The following ZNF418 variants were observed in gnomAD, a reference collection of about 807,000 sequenced individuals.
ZNF418 encodes the protein zinc finger protein 418.
Under a neutral mutation model 32.0 loss-of-function variants are expected in ZNF418, and 32 were observed. The observed-to-expected ratio is 1.00, with a 90% CI of 0.75 to 1.34. The LOEUF (loss-of-function observed/expected upper bound fraction) is 1.34, where lower values mean the gene tolerates loss of function less well. ZNF418 is among the 40% of genes most tolerant of loss of function. The pLI is 0.00. For missense variants in ZNF418, 804 were observed against 812.5 expected, an observed-to-expected ratio of 0.99 and a Z score of 0.13; for synonymous variants, 276 against 270.7, an observed-to-expected ratio of 1.02 and a Z score of -0.19.
At position 57,926,651 on chromosome 19, in the gene ZNF418, A is replaced by C. The variant is rs758780950; in HGVS notation, c.1530T>G (p.Phe510Leu). ...HQRVHTGEKP[F>L]ECSECGKSFP... ...ATGACTTCCCACATTCACTACACTC[A>C]AACGGTTTTTCTCCAGTGTGAACTC... The change falls in exon 4 of 6, where the codon TTT becomes TTG. Residue 510 changes from phenylalanine to leucine, a missense_variant. Physicochemically the swap from Phe to Leu is conservative, Grantham distance 22 (BLOSUM62 0). This residue lies in a region of ZNF418 where 475 missense variants were observed against 458.6 expected (regional missense o/e 1.04). Coordinates refer to ENST00000396147, the MANE Select transcript of ZNF418 (RefSeq NM_133460.3). 3.5e-5 allele frequency: 56 copies of C among 1,613,986 alleles called. No individual in the cohort carries two copies. In the Middle Eastern group the frequency reaches 4.9e-4, roughly 14 times the overall value.
In ZNF418 at chr19:57,935,170, G is replaced by C; in HGVS notation, c.-90C>G. ...GGGAAGGCACAATTACCTGAGCCGG[G>C]AGCCTCAGCGCGGCCGCCGCCATCC... On this transcript the variant is annotated 5_prime_UTR_variant, in exon 1 of 6. Coordinates refer to ENST00000396147, the MANE Select transcript of ZNF418 (RefSeq NM_133460.3). The C allele has an allele frequency of 7.6e-7, 1 of 1,310,872 alleles. No individual in the cohort carries two copies. 81.2% of individuals were successfully genotyped at this position (1,310,872 alleles called of 1,614,324 possible).
chr19:57,927,697 T>C lies in ZNF418; in HGVS notation c.484A>G (p.Ile162Val), dbSNP rs1240930560. 2 of 1,614,232 alleles carry C rather than the reference T, an allele frequency of 1.2e-6. No homozygotes were observed. The highest frequency in any genetic ancestry group is 1.6e-4 in the Middle Eastern group (1 of 6,062). The stretch of plus-strand genomic sequence containing the variant: ...GGCAAAAAGTCCTTTCCACTCTGAA[T>C]GAAGATAGATGACTCCTCTGACACA... ...FHVSEESSIF[I>V]QSGKDFLPSS... is the part of the protein sequence containing the mutation. Residue 162 changes from isoleucine (I) to valine (V), a missense_variant, in exon 4 of 6, where the codon ATT (isoleucine) becomes GTT (valine). Transcript: ENST00000396147.
At chr19:57,932,544 C>T (rs1172035052) in intron 2 of ZNF418, 3 of 1,535,154 alleles carry the variant, frequency 2.0e-6, no homozygotes, top group Admixed American at 3.9e-5. Context: ...ATCCATGGCC[C>T]TATTCCACTT....
Position 57,927,706 on chromosome 19 carries a change from A to G in ZNF418, c.475T>C (p.Ser159Pro). 1 of 1,614,204 alleles carries G rather than the reference A, an allele frequency of 6.2e-7. No individual in the cohort carries two copies. Among genetic ancestry groups the G allele is most frequent in the Non-Finnish European group, 8.5e-7 (1 of 1,180,032 alleles). The change falls in exon 4 of 6, where the codon TCT (serine) becomes CCT (proline). Residue 159 changes from serine to proline, a missense_variant. Physicochemically the swap from Ser to Pro is moderately conservative, Grantham distance 74 (BLOSUM62 -1). This residue lies in a region of ZNF418 where 307 missense variants were observed against 304.9 expected (regional missense o/e 1.01). Transcript: ENST00000396147. ...TCCTTTCCACTCTGAATGAAGATAG[A>G]TGACTCCTCTGACACATGGAACTTA... The part of the protein sequence containing the change: ...RCKFHVSEES[S>P]IFIQSGKDFL...
chr19:57,927,905 T>C lies in ZNF418; in HGVS notation c.276A>G (p.Gly92=). The part of the protein sequence containing the change: ...HSCEMCGAIL[G]DILHLADHQG... ...GATGATCTGCCAAGTGCAAAATGTC[T>C]CCCAAGATCGCGCCACACATTTCAC... Residue 92 remains glycine (G), a synonymous_variant, in exon 4 of 6, where the codon GGA becomes GGG. Coordinates refer to ENST00000396147, the MANE Select transcript of ZNF418 (RefSeq NM_133460.3). 6.2e-7 allele frequency: 1 copy of C among 1,614,028 alleles called. No individual in the cohort carries two copies. Among genetic ancestry groups the C allele is most frequent in the South Asian group, 1.1e-5 (1 of 91,078 alleles).
chr19:57,927,359 A>G lies in ZNF418; in HGVS notation c.822T>C (p.Val274=), dbSNP rs200312391. 6.8e-6 allele frequency: 11 copies of G among 1,613,934 alleles called. No homozygotes were observed. Among genetic ancestry groups the G allele is most frequent in the Non-Finnish European group, 8.5e-6 (10 of 1,179,998 alleles). ...GKSFSHKGSL[V]QHQRVHTGKR... ...TCCCAGTGTGAACTCGCTGATGCTG[A>G]ACAAGGCTGCCCTTATGACTAAAAG... The change falls in exon 4 of 6, where the codon GTT becomes GTC. Residue 274 remains valine, a synonymous_variant. Coordinates refer to ENST00000396147, the MANE Select transcript of ZNF418 (RefSeq NM_133460.3).
intron 1 of ZNF418, 172 bp downstream of exon 1, chr19:57,934,989 T>C: frequency 2.8e-6 from 4 of 1,427,722 alleles, no homozygotes; most frequent in South Asian, 1.3e-5. Flanking sequence ...CCTGTGCCTG[T>C]CGCTCTCCCC....
chr19:57,930,630 C>G lies in ZNF418; in HGVS notation c.7-76G>C, dbSNP rs1430632514. On this transcript the variant is annotated intron_variant, in intron 2 of 5. Coordinates refer to ENST00000396147, the MANE Select transcript of ZNF418 (RefSeq NM_133460.3). ...CCACAATCCACCTCTCCCACACCCCCACCCCCTTGCCCATCCTCCTCCCAA... is the reference window on the plus strand; with the variant it reads ...CCACAATCCACCTCTCCCACACCCCGACCCCCTTGCCCATCCTCCTCCCAA... 1.9e-6 allele frequency: 3 copies of G among 1,591,260 alleles called. No homozygotes were observed. In the East Asian group the frequency reaches 6.7e-5, roughly 36 times the overall value.
At chr19:57,935,061 C>G in intron 1 of ZNF418, 100 bp downstream of exon 1, 5 of 1,343,086 alleles carry the variant, frequency 3.7e-6, no homozygotes. Flanking sequence ...TGTCCCGACG[C>G]CGGGTCCGGG....
At chr19:57,935,007 C>T in intron 1 of ZNF418, 154 bp downstream of exon 1, 1 of 1,426,840 alleles carries the variant, frequency 7.0e-7, no homozygotes, top group South Asian at 1.3e-5. Flanking sequence ...CCCACCGCAT[C>T]CCACAGGTGT....
At chr19:57,935,026 A>G in intron 1 of ZNF418, 135 bp downstream of exon 1, 1 of 1,410,390 alleles carries the variant, frequency 7.1e-7, no homozygotes, top group Non-Finnish European at 9.3e-7. Context: ...GTCAGAAACA[A>G]GGACCTCTCC....
At chr19:57,934,310 G>A in intron 1 of ZNF418, 1 of 715,724 alleles carries the variant, frequency 1.4e-6, no homozygotes, top group Non-Finnish European at 1.7e-6. Flanking sequence ...TGCCTCCCGA[G>A]TTCAAGCAAT....
In ZNF418 at chr19:57,927,461, G is replaced by A; in HGVS notation, c.720C>T (p.Ser240=). Residue 240 remains serine (S), a synonymous_variant, in exon 4 of 6, where the codon AGC becomes AGT. Transcript: ENST00000396147. The part of the protein sequence containing the change: ...CYCWECGKSF[S]KYDSVSNHQR... ...GATGATTACTGACGCTATCATATTT[G>A]CTAAAGGATTTCCCACATTCCCAGC... 2 of 1,614,158 alleles carry A rather than the reference G, an allele frequency of 1.2e-6. No individual in the cohort carries two copies. The highest frequency in any genetic ancestry group is 1.7e-6 in the Non-Finnish European group (2 of 1,180,032).
rs749664692 is a variant in ZNF418 at position 57,933,806 on chromosome 19, G to A, written c.6+11C>T. The A allele has an allele frequency of 2.5e-6, 4 of 1,614,042 alleles. No individual in the cohort carries two copies. The highest frequency in any genetic ancestry group is 3.4e-6 in the Non-Finnish European group (4 of 1,179,998). ...GCTCCTTACTCATTAATATGGTCCA[G>A]TAACCCTCACCTGCATTATGGCAGG... On this transcript the variant is annotated intron_variant, in intron 2 of 5. Coordinates refer to ENST00000396147, the MANE Select transcript of ZNF418 (RefSeq NM_133460.3).
chr19:57,933,306 T>A (rs1170654287), intron 2 of ZNF418, among the ~76,000 whole-genome samples: 2 of 152,196 alleles, frequency 1.3e-5, no homozygotes, highest in East Asian at 1.9e-4. Flanking sequence ...CCGACCGGGC[T>A]TGGTGGCTCA....
chr19:57,925,592 T>C (rs569843680), intron 4 of ZNF418, 31 bp downstream of exon 4: 3 of 158,626 alleles, frequency 1.9e-5, no homozygotes, highest in Admixed American at 5.9e-5. Flanking sequence ...CCGAAAGAAA[T>C]GAGAAAGGAA....
At chr19:57,923,781 T>A (rs1237138798) in intron 4 of ZNF418, among the ~76,000 whole-genome samples, 1 of 151,936 alleles carries the variant, frequency 6.6e-6, no homozygotes, top group Non-Finnish European at 1.5e-5. Flanking sequence ...TTTCACCATG[T>A]TAGCCAGGAT....
In ZNF418 at chr19:57,930,560, A is replaced by G; in HGVS notation, c.7-6T>C. 6.2e-7 allele frequency: 1 copy of G among 1,613,924 alleles called. No individual in the cohort carries two copies. Among genetic ancestry groups the G allele is most frequent in the Non-Finnish European group, 8.5e-7 (1 of 1,179,910 alleles). On this transcript the variant is annotated splice_polypyrimidine_tract_variant and splice_region_variant and intron_variant, in intron 2 of 5. Transcript: ENST00000396147. ...TCTTCAAATGCCACAGTGCCCTGCT[A>G]TGATGGTGACAGATGAAACCACAAA...
Position 57,926,298 on chromosome 19 carries a change from A to C in ZNF418, c.1883T>G (p.Phe628Cys). 6.2e-7 allele frequency: 1 copy of C among 1,605,950 alleles called. No individual in the cohort carries two copies. Among genetic ancestry groups the C allele is most frequent in the Non-Finnish European group, 8.5e-7 (1 of 1,174,838 alleles). ...TTCAGTAAGACTGAAGGTTTCAGCA[A>C]AGGATTTCCCACATTCGCTGCACTC... The part of the protein sequence containing the change: ...PYECSECGKS[F>C]AETFSLTEHR... The change falls in exon 4 of 6, where the codon TTT becomes TGT. Residue 628 changes from phenylalanine to cysteine, a missense_variant. Around this residue, in one of 3 missense-constraint regions of ZNF418, gnomAD observed 475 missense variants for 458.6 expected, o/e 1.04. Transcript: ENST00000396147.
Sources: gnomAD v4.1 joint callset for allele counts (sites outside exome capture counted in the v4.1 genomes callset) on GRCh38, gnomAD v4.1.1 for gene constraint, gnomAD v4.1.1 regional missense constraint, MANE v1.5 for transcripts, NCBI Gene and HGNC (gene_info 2026-07-23, HGNC 2026-07-21) for gene names.